ZFAT: variants seen among roughly 807,000 people sequenced by gnomAD.
The protein encoded by ZFAT is zinc finger and AT-hook domain containing.
ZFAT carries 64 observed loss-of-function variants against 117.7 expected under a neutral mutation model. The ratio of observed to expected loss-of-function variants is 0.54; its 90% CI spans 0.44 to 0.67. The LOEUF (loss-of-function observed/expected upper bound fraction) is 0.67. Ranked by LOEUF, ZFAT falls within the 30% of genes least tolerant of loss-of-function variation. The pLI is 0.00. For missense variants in ZFAT, 1,433 were observed against 1,584.5 expected (o/e 0.90, Z 1.62); for synonymous variants, 679 against 615.0 (o/e 1.10, Z -1.54).
chr8:134,519,925 G>A (rs1820526413), intron 13 of ZFAT, among the ~76,000 whole-genome samples: 1 of 152,134 alleles, frequency 6.6e-6, no homozygotes, highest in Non-Finnish European at 1.5e-5. Context: ...ATCTATGAAG[G>A]TGACTGTTTC....
chr8:134,711,886 A>G (rs1324444875), intron 1 of ZFAT, among the ~76,000 whole-genome samples: 2 of 152,194 alleles, frequency 1.3e-5, no homozygotes, highest in African/African-American at 4.8e-5. Context: ...TACTTCCTTC[A>G]GCATGGGGAC....
At chr8:134,734,390 C>G in the ZFAT span, among the ~76,000 whole-genome samples, 1 of 152,246 alleles carries the variant, frequency 6.6e-6, no homozygotes, top group Non-Finnish European at 1.5e-5. Flanking sequence ...TTGGGGCTCC[C>G]CAGAGTGTCT....
At chr8:134,827,335 A>C in the ZFAT span, among the ~76,000 whole-genome samples, 2 of 152,130 alleles carry the variant, frequency 1.3e-5, no homozygotes, top group Non-Finnish European at 2.9e-5. Context: ...ATGAGCCACC[A>C]CGCCTGGCCT....
At position 134,696,933 on chromosome 8, in the gene ZFAT, T is replaced by C. The variant is rs570285278; in HGVS notation, c.19+15912A>G. 6.6e-4 allele frequency among the ~76,000 whole-genome samples: 100 copies of C among 152,218 alleles called. 1 individual carries two copies. The highest frequency in any genetic ancestry group is 2.3e-3 in the African/African-American group (97 of 41,544). On this transcript the variant is annotated intron_variant, in intron 1 of 15. Transcript: ENST00000377838. ...ACTAATCCAACAATTTTTTTTTTTT[T>C]TTGGAGACGAGTCTCGCTGTGTCGC...
the ZFAT span, among the ~76,000 whole-genome samples, chr8:134,778,399 G>A: frequency 1.3e-5 from 2 of 152,196 alleles, no homozygotes; most frequent in Admixed American, 1.3e-4. Flanking sequence ...CCGGCTATAT[G>A]AAGAGAATTC....
At chr8:134,663,124 T>C (rs1425755375) in intron 1 of ZFAT, among the ~76,000 whole-genome samples, 1 of 152,246 alleles carries the variant, frequency 6.6e-6, no homozygotes, top group Non-Finnish European at 1.5e-5. Flanking sequence ...AGATCCTGCC[T>C]TCGTGATCGT....
chr8:134,701,615 T>C (rs1834009696), intron 1 of ZFAT, among the ~76,000 whole-genome samples: 1 of 152,234 alleles, frequency 6.6e-6, no homozygotes, highest in African/African-American at 2.4e-5. Context: ...GCACTGTTTT[T>C]ACATTCCAAC....
At chr8:134,564,847 A>T in intron 11 of ZFAT, 2 of 715,706 alleles carry the variant, frequency 2.8e-6, no homozygotes, top group Non-Finnish European at 3.8e-6. Context: ...TAGAGGCATT[A>T]AAAGAATATG....
intron 1 of ZFAT, among the ~76,000 whole-genome samples, chr8:134,712,337 G>A (rs1814032139): frequency 6.6e-6 from 1 of 152,186 alleles, no homozygotes; most frequent in African/African-American, 2.4e-5. Context: ...TACAGGTGAA[G>A]GACCCCAAGC....
In ZFAT at chr8:134,558,926, G is replaced by A. The variant is rs946321673; in HGVS notation, c.2976+6407C>T. ...CTTCATCTGCCTGGTTCTAAATCCT[G>A]TGCTTTGCTATGAGACCTCATCACT... On this transcript the variant is annotated intron_variant, in intron 11 of 15. Coordinates refer to ENST00000377838, the MANE Select transcript of ZFAT (RefSeq NM_020863.4). Among the ~76,000 whole-genome samples, 3 of 152,204 alleles carry A rather than the reference G, an allele frequency of 2.0e-5. No individual in the cohort carries two copies. The East Asian group carries it at 5.8e-4, about 29-fold the overall frequency.
Position 134,602,759 on chromosome 8 carries a change from C to A in ZFAT, c.960G>T (p.Lys320Asn), listed in dbSNP as rs1563662126. ...CGCAGGCGAACTTCTCTCCAGTGTG[C>A]TTGCGCAGGTGCACATTGAGGTTGG... ...IKANLNVHLR[K>N]HTGEKFACDY... The change falls in exon 6 of 16, where the codon AAG becomes AAT. Residue 320 changes from lysine to asparagine, a missense_variant. Physicochemically the swap from Lys to Asn is moderately conservative, Grantham distance 94. Coordinates refer to ENST00000377838, the MANE Select transcript of ZFAT (RefSeq NM_020863.4). 2 of 1,613,756 alleles carry A rather than the reference C, an allele frequency of 1.2e-6. No homozygotes were observed.
the ZFAT span, among the ~76,000 whole-genome samples, chr8:134,731,013 G>A: frequency 6.6e-6 from 1 of 152,202 alleles, no homozygotes; most frequent in Non-Finnish European, 1.5e-5. Context: ...AGGTGTCCAA[G>A]CACAAACAGA....
the ZFAT span, among the ~76,000 whole-genome samples, chr8:134,830,418 G>T: frequency 6.6e-6 from 1 of 152,184 alleles, no homozygotes; most frequent in African/African-American, 2.4e-5. Context: ...TGGTATCCCG[G>T]CTACATGCCA....
upstream of ZFAT, among the ~76,000 whole-genome samples, chr8:134,717,464 CTCTTTTT>C (rs1814223846): frequency 5.4e-5 from 1 of 18,468 alleles, no homozygotes; most frequent in African/African-American, 1.1e-4. Context: ...TCAATAACAA[CTCTTTTT>C]TTTTTTTTTT....
At chr8:134,553,422 G>A (rs940113392) in intron 11 of ZFAT, among the ~76,000 whole-genome samples, 3 of 152,222 alleles carry the variant, frequency 2.0e-5, no homozygotes, top group Admixed American at 1.3e-4. Context: ...AGAATCGCTT[G>A]AACATGGGTG....
At chr8:134,812,071 G>C in the ZFAT span, among the ~76,000 whole-genome samples, 3 of 152,118 alleles carry the variant, frequency 2.0e-5, no homozygotes, top group African/African-American at 7.2e-5. Context: ...CTGAACCTGG[G>C]AGGCAGAGGT....
At chr8:134,589,628 C>T (rs147310929) in intron 8 of ZFAT, among the ~76,000 whole-genome samples, 12 of 152,182 alleles carry the variant, frequency 7.9e-5, no homozygotes, top group East Asian at 1.9e-4. Flanking sequence ...TTGAGCACAG[C>T]GGTCAGTGCG....
At chr8:134,503,970 T>C (rs987864185) in intron 15 of ZFAT, among the ~76,000 whole-genome samples, 1 of 151,986 alleles carries the variant, frequency 6.6e-6, no homozygotes, top group African/African-American at 2.4e-5. Flanking sequence ...CCCTATGAGT[T>C]CTGTTTCTCT....
chr8:134,500,874 A>AT, intron 15 of ZFAT, among the ~76,000 whole-genome samples: 1 of 152,238 alleles, frequency 6.6e-6, no homozygotes, highest in Non-Finnish European at 1.5e-5. Flanking sequence ...TATATAAGGA[A>AT]TGCCAAGTAT....
Sources: allele counts gnomAD v4.1 joint callset (sites outside exome capture counted in the v4.1 genomes callset), GRCh38; gene constraint gnomAD v4.1.1; transcripts MANE v1.5; gene names NCBI Gene and HGNC (gene_info 2026-07-23, HGNC 2026-07-21).